GBE1: variants seen among roughly 807,000 people sequenced by gnomAD.
GBE1 encodes the protein 1,4-alpha-glucan-branching enzyme.
GBE1 carries 70 observed loss-of-function variants against 88.8 expected under a neutral mutation model. The ratio of observed to expected loss-of-function variants is 0.79; its 90% confidence interval spans 0.65 to 0.96. GBE1 has a LOEUF of 0.96. Among genes scored for constraint, GBE1 ranks in the 40% least tolerant of loss-of-function variants. The pLI, the probability that GBE1 is intolerant of heterozygous loss-of-function variation, is 0.00. For synonymous variants in GBE1, 284 were observed against 300.1 expected, an observed-to-expected ratio of 0.95 and a Z score of 0.56; for missense variants, 872 against 871.0, an observed-to-expected ratio of 1.00 and a Z score of -0.01.
At chr3:81,593,370 C>CAAGAATAAT (rs1553684473) in intron 8 of GBE1, among the ~76,000 whole-genome samples, 2 of 144,094 alleles carry the variant, frequency 1.4e-5, no homozygotes, top group Non-Finnish European at 3.0e-5. Flanking sequence ...GTCTCAAGAA[C>CAAGAATAAT]AATAATAATA....
chr3:81,664,846 C>T (rs1324281271), intron 3 of GBE1, among the ~76,000 whole-genome samples: 1 of 152,102 alleles, frequency 6.6e-6, no homozygotes, highest in Non-Finnish European at 1.5e-5. Flanking sequence ...AATTGGCAAT[C>T]ACAAACTAAC....
intron 1 of GBE1, among the ~76,000 whole-genome samples, chr3:81,731,752 C>G (rs899212541): frequency 6.6e-6 from 1 of 151,988 alleles, no homozygotes; most frequent in African/African-American, 2.4e-5. Flanking sequence ...GTAACACATG[C>G]CTCCTTCCTC....
At chr3:81,577,789 C>G (rs551886901) in intron 12 of GBE1, 136 bp downstream of exon 12, 1 of 638,576 alleles carries the variant, frequency 1.6e-6, no homozygotes. Flanking sequence ...GCAATTTACA[C>G]GACAGTATAT....
At chr3:81,564,672 T>C (rs572383852) in intron 12 of GBE1, among the ~76,000 whole-genome samples, 1 of 152,230 alleles carries the variant, frequency 6.6e-6, no homozygotes, top group African/African-American at 2.4e-5. Flanking sequence ...TCAGGAAGGA[T>C]CTGAGGTGAA....
chr3:81,734,608 G>A (rs1238942552), intron 1 of GBE1, among the ~76,000 whole-genome samples: 1 of 152,122 alleles, frequency 6.6e-6, no homozygotes, highest in South Asian at 2.1e-4. Flanking sequence ...GTACTAGTTT[G>A]AGATGTTTTC....
chr3:81,614,289 A>AG (rs926086309), intron 7 of GBE1, among the ~76,000 whole-genome samples: 23 of 151,174 alleles, frequency 1.5e-4, no homozygotes, highest in Non-Finnish European at 3.0e-4. Context: ...AATCTAATCT[A>AG]GGGGGGGAAA....
At chr3:81,508,603 T>TC (rs536488741) in intron 14 of GBE1, among the ~76,000 whole-genome samples, 229 of 152,100 alleles carry the variant, frequency 1.5e-3, no homozygotes, top group African/African-American at 5.3e-3. Context: ...ATAAACACCT[T>TC]CCCCCAAACA....
At chr3:81,707,975 G>A (rs907433998) in intron 1 of GBE1, among the ~76,000 whole-genome samples, 13 of 151,862 alleles carry the variant, frequency 8.6e-5, no homozygotes, top group African/African-American at 3.1e-4. Flanking sequence ...TACTTTCTCT[G>A]TTGCATTGTT....
rs187369105 is a variant in GBE1, at chr3:81,676,793, A to T, written c.314-5840T>A. On this transcript the variant is annotated intron_variant, in intron 2 of 15. Coordinates refer to ENST00000429644, the MANE Select transcript of GBE1 (RefSeq NM_000158.4). ...TTTTATTAACAGGTTTAAATTCATCATATCTGATAAGGCATAAGATTCTAT... is the reference window on the plus strand; with the variant it reads ...TTTTATTAACAGGTTTAAATTCATCTTATCTGATAAGGCATAAGATTCTAT... Among the ~76,000 whole-genome samples the T allele has an allele frequency of 3.9e-5, 6 of 152,260 alleles. No homozygotes were observed. The East Asian group carries it at 1.2e-3, about 29-fold the overall frequency.
At chr3:81,535,624 A>G (rs752395168) in intron 13 of GBE1, among the ~76,000 whole-genome samples, 4 of 152,004 alleles carry the variant, frequency 2.6e-5, no homozygotes, top group Non-Finnish European at 4.4e-5. Context: ...TACATACTAC[A>G]AAGTGTTCGT....
At chr3:81,579,181 T>A (rs572355399) in intron 11 of GBE1, among the ~76,000 whole-genome samples, 1 of 152,178 alleles carries the variant, frequency 6.6e-6, no homozygotes, top group Non-Finnish European at 1.5e-5. Flanking sequence ...TTAAGTTAAG[T>A]TTACAAATTT....
At chr3:81,530,534 G>A (rs945654352) in intron 14 of GBE1, among the ~76,000 whole-genome samples, 17 of 151,904 alleles carry the variant, frequency 1.1e-4, no homozygotes, top group Admixed American at 7.9e-4. Context: ...CATTGCAGTG[G>A]TATCCGTATT....
At chr3:81,615,665 C>A (rs886720161) in intron 7 of GBE1, among the ~76,000 whole-genome samples, 1 of 152,148 alleles carries the variant, frequency 6.6e-6, no homozygotes, top group African/African-American at 2.4e-5. Context: ...GTACTACACT[C>A]TGTTTAATAT....
At chr3:81,712,360 T>C (rs917160022) in intron 1 of GBE1, among the ~76,000 whole-genome samples, 4 of 152,208 alleles carry the variant, frequency 2.6e-5, no homozygotes, top group African/African-American at 9.7e-5. Context: ...TGTATGTTTA[T>C]TGCAGCACTA....
intron 7 of GBE1, among the ~76,000 whole-genome samples, chr3:81,622,783 G>T (rs187277031): frequency 1.3e-5 from 2 of 152,116 alleles, no homozygotes; most frequent in Admixed American, 1.3e-4. Context: ...GGTCAAAAAC[G>T]TCGGAGTTAA....
Position 81,581,171 on chromosome 3 carries a change from A to G in GBE1, c.1440T>C (p.His480=), listed in dbSNP as rs374221168. 2.5e-6 allele frequency: 4 copies of G among 1,594,606 alleles called. No individual in the cohort carries two copies. Among genetic ancestry groups the G allele is most frequent in the Non-Finnish European group, 3.4e-6 (4 of 1,164,836 alleles). Residue 480 remains histidine (H), a synonymous_variant, in exon 11 of 16, where the codon CAT becomes CAC. Transcript: ENST00000429644. ...TATGCACATATTCATTTACCTGATC[A>G]TGGCTCTCTGCATAAGCAATGCACT... ...LEKCIAYAES[H]DQALVGDKSL...
At chr3:81,496,076 T>A (rs1316569332) in intron 15 of GBE1, among the ~76,000 whole-genome samples, 1 of 152,172 alleles carries the variant, frequency 6.6e-6, no homozygotes, top group Admixed American at 6.5e-5. Context: ...GTCCCCTGCC[T>A]CCAGTGCACT....
chr3:81,568,126 C>A (rs1015693234), intron 12 of GBE1, among the ~76,000 whole-genome samples: 1 of 152,042 alleles, frequency 6.6e-6, no homozygotes, highest in Non-Finnish European at 1.5e-5. Flanking sequence ...ATTTAAAGAT[C>A]TAGCTTACAG....
At chr3:81,522,536 T>A (rs1469462671) in intron 14 of GBE1, among the ~76,000 whole-genome samples, 1 of 151,346 alleles carries the variant, frequency 6.6e-6, no homozygotes, top group Non-Finnish European at 1.5e-5. Context: ...TCCTGCTCCC[T>A]TCCTGCCCCC....
Sources: allele counts gnomAD v4.1 joint callset (sites outside exome capture counted in the v4.1 genomes callset), GRCh38; gene constraint gnomAD v4.1.1; transcripts MANE v1.5; gene names NCBI Gene and HGNC (gene_info 2026-07-23, HGNC 2026-07-21).